TRPS1: variants seen among roughly 807,000 people sequenced by gnomAD.
The protein encoded by TRPS1 is transcriptional repressor GATA binding 1.
A neutral mutation model predicts 101.2 loss-of-function variants in TRPS1; 6 were observed. That is an observed-to-expected ratio of 0.06 (90% CI 0.03 to 0.12). TRPS1 has a LOEUF of 0.12. TRPS1 is among the 10% of genes least tolerant of loss of function. TRPS1 has a pLI of 1.00. For missense variants in TRPS1, 1,363 were observed against 1,567.0 expected (o/e 0.87, Z 2.20); for synonymous variants, 578 against 589.8 (o/e 0.98, Z 0.29).
chr8:115,641,880 GAAAACAAAACAAAAC>G (rs113288951), intron 1 of TRPS1, among the ~76,000 whole-genome samples: 1 of 151,446 alleles, frequency 6.6e-6, no homozygotes. Context: ...TCTCCGTCTC[GAAAACAAAACAAAAC>G]AAAACAAAAC....
intron 5 of TRPS1, among the ~76,000 whole-genome samples, chr8:115,535,001 A>G (rs565377953): frequency 2.0e-5 from 3 of 149,406 alleles, no homozygotes; most frequent in East Asian, 2.0e-4. Flanking sequence ...AAATATATAT[A>G]GCATATATAT....
intron 4 of TRPS1, among the ~76,000 whole-genome samples, chr8:115,596,587 A>G (rs574802672): frequency 4.2e-4 from 64 of 151,960 alleles, no homozygotes; most frequent in African/African-American, 1.5e-3. Context: ...TATAGATATG[A>G]TTACATATGA....
At chr8:115,603,159 T>A (rs1355640050) in intron 4 of TRPS1, among the ~76,000 whole-genome samples, 1 of 152,188 alleles carries the variant, frequency 6.6e-6, no homozygotes, top group Non-Finnish European at 1.5e-5. Flanking sequence ...TATCCTATGC[T>A]TATCTCTAGA....
intron 3 of TRPS1, among the ~76,000 whole-genome samples, chr8:115,606,563 A>G (rs995605993): frequency 2.6e-5 from 4 of 152,162 alleles, no homozygotes; most frequent in Non-Finnish European, 5.9e-5. Flanking sequence ...TCAACCAGCC[A>G]GAAAGCTAAG....
rs1469939372 is a variant in TRPS1, at chr8:115,593,676, C to T, written c.2097-6072G>A. On this transcript the variant is annotated intron_variant, in intron 4 of 6. Coordinates refer to ENST00000395715, the MANE Select transcript of TRPS1 (RefSeq NM_014112.5). ...TTGTGAAAGTACATTAATTTGGACT[C>T]TCCTCCAACCTACTAAATGCACTTT... Among the ~76,000 whole-genome samples the T allele has an allele frequency of 3.3e-5, 5 of 152,246 alleles. No individual in the cohort carries two copies. In the East Asian group the frequency reaches 9.7e-4, roughly 29 times the overall value.
At chr8:115,417,357 G>A (rs1812946698) in intron 6 of TRPS1, among the ~76,000 whole-genome samples, 1 of 152,108 alleles carries the variant, frequency 6.6e-6, no homozygotes, top group South Asian at 2.1e-4. Context: ...TTTTTAAAGA[G>A]TGCTTCTAAT....
intron 4 of TRPS1, among the ~76,000 whole-genome samples, chr8:115,589,923 C>G (rs1465544458): frequency 6.6e-6 from 1 of 152,108 alleles, no homozygotes; most frequent in Admixed American, 6.5e-5. Flanking sequence ...TCGAGACCAG[C>G]CTGACCAACA....
At chr8:115,482,198 A>G (rs1341541907) in intron 5 of TRPS1, among the ~76,000 whole-genome samples, 1 of 152,174 alleles carries the variant, frequency 6.6e-6, no homozygotes, top group Non-Finnish European at 1.5e-5. Context: ...GCAACTAACC[A>G]TTCATTCAAT....
At chr8:115,453,844 A>G (rs1586288926) in intron 5 of TRPS1, among the ~76,000 whole-genome samples, 1 of 152,362 alleles carries the variant, frequency 6.6e-6, no homozygotes, top group African/African-American at 2.4e-5. Context: ...GTTGTGGTGT[A>G]TACATTTGGT....
chr8:115,551,049 A>T (rs918619040), intron 5 of TRPS1, among the ~76,000 whole-genome samples: 21 of 152,218 alleles, frequency 1.4e-4, no homozygotes, highest in Admixed American at 8.5e-4. Flanking sequence ...TCTGAATAAA[A>T]GGCACATGCA....
In TRPS1 at chr8:115,623,826, C is replaced by A. The variant is rs1050531457; in HGVS notation, c.-121-68G>T. The stretch of plus-strand genomic sequence containing the variant: ...GTAAACATATTTTCATGTATCACAC[C>A]TAAAATATATTAATATGCTGGCATC... On this transcript the variant is annotated intron_variant, in intron 1 of 6. Transcript: ENST00000395715. The A allele has an allele frequency of 2.0e-5, 27 of 1,347,784 alleles. No individual in the cohort carries two copies. In the African/African-American group the frequency reaches 3.8e-4, roughly 19 times the overall value. 83.5% of individuals were successfully genotyped at this position (1,347,784 alleles called of 1,614,324 possible). A position where few individuals can be genotyped will look rare whatever the true frequency, so the allele number is the denominator to read the frequency against.
At chr8:115,445,986 T>C (rs1306162036) in intron 5 of TRPS1, among the ~76,000 whole-genome samples, 1 of 152,174 alleles carries the variant, frequency 6.6e-6, no homozygotes, top group Non-Finnish European at 1.5e-5. Flanking sequence ...AATTCTTTCC[T>C]GTATAACTCT....
intron 1 of TRPS1, among the ~76,000 whole-genome samples, chr8:115,645,736 A>C (rs1819010848): frequency 6.6e-6 from 1 of 152,222 alleles, no homozygotes; most frequent in Non-Finnish European, 1.5e-5. Context: ...GGCACATGTC[A>C]TTAAAGGCCC....
intron 5 of TRPS1, among the ~76,000 whole-genome samples, chr8:115,482,586 C>T (rs1387642179): frequency 6.6e-6 from 1 of 152,140 alleles, no homozygotes; most frequent in Non-Finnish European, 1.5e-5. Context: ...ACTGAATAAA[C>T]ATAGGCCTTT....
At chr8:115,539,112 G>A (rs1186932696) in intron 5 of TRPS1, among the ~76,000 whole-genome samples, 1 of 152,154 alleles carries the variant, frequency 6.6e-6, no homozygotes, top group Non-Finnish European at 1.5e-5. Flanking sequence ...ACTGCATTCA[G>A]CTAATGTATT....
intron 5 of TRPS1, among the ~76,000 whole-genome samples, chr8:115,491,664 GAAGAAAGAAAGAAAGGAAGAATGA>G (rs1815024997): frequency 6.6e-6 from 1 of 151,500 alleles, no homozygotes; most frequent in Non-Finnish European, 1.5e-5. Context: ...AAGAAAGAAA[GAAGAAAGAAAGAAAGGAAGAATGA>G]AAGAAAGAAA....
chr8:115,489,990 G>A (rs1814981126), intron 5 of TRPS1, among the ~76,000 whole-genome samples: 1 of 151,860 alleles, frequency 6.6e-6, no homozygotes, highest in Non-Finnish European at 1.5e-5. Context: ...CTCTTTTTTA[G>A]CTAAATGTAA....
At chr8:115,611,822 T>C (rs1219931316) in intron 3 of TRPS1, among the ~76,000 whole-genome samples, 5 of 152,310 alleles carry the variant, frequency 3.3e-5, no homozygotes, top group African/African-American at 7.2e-5. Flanking sequence ...ATAAGTAATA[T>C]AAATGTAATA....
At chr8:115,610,857 C>A (rs1013123436) in intron 3 of TRPS1, among the ~76,000 whole-genome samples, 1 of 152,068 alleles carries the variant, frequency 6.6e-6, no homozygotes, top group Admixed American at 6.6e-5. Flanking sequence ...TGGCTCACAC[C>A]TGTAATCCCA....
Sources: gnomAD v4.1 joint callset for allele counts (sites outside exome capture counted in the v4.1 genomes callset) on GRCh38, gnomAD v4.1.1 for gene constraint, MANE v1.5 for transcripts, NCBI Gene and HGNC (gene_info 2026-07-23, HGNC 2026-07-21) for gene names.